Variants in ANK2 observed in about 807,000 individuals in gnomAD.
The protein encoded by ANK2 is ankyrin-2.
A neutral mutation model predicts 360.5 loss-of-function variants in ANK2; 83 were observed. That is an observed-to-expected ratio of 0.23 (90% CI 0.19 to 0.28). The LOEUF is 0.28. Ranked by LOEUF, ANK2 falls within the 10% of genes least tolerant of loss-of-function variation. The pLI, the probability that ANK2 is intolerant of heterozygous loss-of-function variation, is 1.00. For synonymous variants in ANK2, 1,740 were observed against 1,759.5 expected, an observed-to-expected ratio of 0.99 and a Z score of 0.28; for missense variants, 4,201 against 4,795.7, an observed-to-expected ratio of 0.88 and a Z score of 3.66.
intron 1 of ANK2, among the ~76,000 whole-genome samples, chr4:112,870,756 A>T (rs2072679449): frequency 6.6e-6 from 1 of 152,154 alleles, no homozygotes; most frequent in Non-Finnish European, 1.5e-5. Context: ...CTTTTTCAAG[A>T]TTATTTTAGC....
the ANK2 span, among the ~76,000 whole-genome samples, chr4:112,724,989 AAC>A: frequency 6.6e-6 from 1 of 152,174 alleles, no homozygotes; most frequent in Admixed American, 6.5e-5. Context: ...TTAAAAAGGA[AAC>A]ACATTCAGCC....
Position 113,358,366 on chromosome 4 carries a change from C to T in ANK2, c.9748C>T (p.Pro3250Ser), listed in dbSNP as rs2095949958. The T allele has an allele frequency of 6.2e-7, 1 of 1,613,922 alleles. No individual in the cohort carries two copies. Among genetic ancestry groups the T allele is most frequent in the Non-Finnish European group, 8.5e-7 (1 of 1,179,942 alleles). Residue 3250 changes from proline (P) to serine (S), a missense_variant, in exon 38 of 46, where the codon CCA becomes TCA. Around this residue, in one of 4 missense-constraint regions of ANK2, gnomAD observed 2,642 missense variants for 2,714.5 expected, o/e 0.97. Transcript: ENST00000357077. ...KQISCPDSSEPAVQVQLDFST... is the reference protein window; with the variant it reads ...KQISCPDSSESAVQVQLDFST... ...GATATCCTGCCCCGACTCTTCTGAA[C>T]CAGCTGTACAAGTCCAGTTAGATTT... is the stretch of plus-strand genomic sequence containing the variant.
intron 1 of ANK2, among the ~76,000 whole-genome samples, chr4:113,063,041 T>C (rs2074190268): frequency 6.6e-6 from 1 of 152,122 alleles, no homozygotes; most frequent in Admixed American, 6.6e-5. Context: ...TGAAAATTCA[T>C]GTTCCACAGC....
intron 2 of ANK2, among the ~76,000 whole-genome samples, chr4:112,913,608 T>A (rs2088557811): frequency 6.6e-6 from 1 of 152,236 alleles, no homozygotes; most frequent in Non-Finnish European, 1.5e-5. Flanking sequence ...TACCTTGAAT[T>A]CTCTGGATGG....
chr4:112,727,072 A>G, the ANK2 span, among the ~76,000 whole-genome samples: 2 of 152,176 alleles, frequency 1.3e-5, no homozygotes, highest in East Asian at 1.9e-4. Context: ...AGTATGCAGA[A>G]TAGTTATGGT....
chr4:112,732,383 C>T, the ANK2 span, among the ~76,000 whole-genome samples: 1 of 150,814 alleles, frequency 6.6e-6, no homozygotes, highest in East Asian at 2.0e-4. Flanking sequence ...CGAGTAGCTA[C>T]AGGCACTACA....
rs2097180327 is a variant in ANK2, at chr4:113,381,954, A to G, written c.*483A>G. 3.0e-6 allele frequency: 1 copy of G among 329,044 alleles called. No individual in the cohort carries two copies. Among genetic ancestry groups the G allele is most frequent in the Admixed American group, 3.9e-5 (1 of 25,534 alleles). 20.4% of individuals were successfully genotyped at this position (329,044 alleles called of 1,614,324 possible). On this transcript the variant is annotated 3_prime_UTR_variant, in exon 46 of 46. Transcript: ENST00000357077. ...CCATGAAAATCCATTGATCAGAAGA[A>G]CTTCACCTGCAGACCTCTTCAAGTG...
At chr4:113,110,413 A>T (rs758059537) in intron 1 of ANK2, among the ~76,000 whole-genome samples, 15 of 152,170 alleles carry the variant, frequency 9.9e-5, no homozygotes, top group Non-Finnish European at 1.9e-4. Flanking sequence ...AAAGCAAGAA[A>T]CAAGGAATCC....
chr4:113,280,589 C>G (rs1011355408), intron 17 of ANK2, among the ~76,000 whole-genome samples: 1 of 152,190 alleles, frequency 6.6e-6, no homozygotes, highest in African/African-American at 2.4e-5. Flanking sequence ...AATGTCTCCT[C>G]TCCTTAATAC....
chr4:112,838,822 T>C (rs1472432226), intron 1 of ANK2, among the ~76,000 whole-genome samples: 1 of 152,238 alleles, frequency 6.6e-6, no homozygotes, highest in Non-Finnish European at 1.5e-5. Context: ...TGAGTCGAGA[T>C]TGTGCCACTG....
intron 2 of ANK2, among the ~76,000 whole-genome samples, chr4:112,927,948 A>G (rs1245807953): frequency 6.6e-6 from 1 of 152,240 alleles, no homozygotes; most frequent in African/African-American, 2.4e-5. Flanking sequence ...TTCCGTAGTT[A>G]ATTAAGAAAA....
chr4:112,985,014 A>C (rs1449446538), intron 2 of ANK2, among the ~76,000 whole-genome samples: 1 of 152,194 alleles, frequency 6.6e-6, no homozygotes, highest in Non-Finnish European at 1.5e-5. Flanking sequence ...GTGAATATTT[A>C]TAAGTCCGTC....
the ANK2 span, among the ~76,000 whole-genome samples, chr4:112,710,903 T>TTATATATATA: frequency 1.9e-3 from 269 of 141,272 alleles, no homozygotes; most frequent in African/African-American, 5.7e-3. Flanking sequence ...TGAACAGGTT[T>TTATATATATA]TATATATATA....
chr4:113,176,764 C>T (rs953603606), intron 2 of ANK2, among the ~76,000 whole-genome samples: 29 of 152,000 alleles, frequency 1.9e-4, no homozygotes, highest in East Asian at 1.2e-3. Context: ...TATCTCCTAA[C>T]GCTATCCCTC....
chr4:113,337,416 C>T (rs2093688018), intron 31 of ANK2, among the ~76,000 whole-genome samples: 1 of 152,156 alleles, frequency 6.6e-6, no homozygotes, highest in Non-Finnish European at 1.5e-5. Flanking sequence ...TTGGTAGTCT[C>T]TTCATAACAA....
At chr4:113,214,752 C>T (rs925495401) in intron 4 of ANK2, among the ~76,000 whole-genome samples, 5 of 152,114 alleles carry the variant, frequency 3.3e-5, no homozygotes, top group Non-Finnish European at 7.4e-5. Context: ...TCAGAGGGTG[C>T]TTGCATGACT....
the ANK2 span, among the ~76,000 whole-genome samples, chr4:112,795,359 G>T: frequency 6.6e-6 from 1 of 152,140 alleles, no homozygotes; most frequent in African/African-American, 2.4e-5. Context: ...GGTAACCCAA[G>T]AGTGGCCCCA....
At chr4:113,344,868 G>A (rs1265334162) in intron 34 of ANK2, among the ~76,000 whole-genome samples, 2 of 152,126 alleles carry the variant, frequency 1.3e-5, no homozygotes, top group Non-Finnish European at 2.9e-5. Context: ...TCCTCGAAGT[G>A]AAATAAAGAT....
At chr4:113,277,979 A>G (rs750984190) in intron 16 of ANK2, 44 bp downstream of exon 16, 8 of 1,531,296 alleles carry the variant, frequency 5.2e-6, no homozygotes, top group Non-Finnish European at 7.2e-6. Context: ...AGTGAAGGTG[A>G]TAGATTAGGA....
Sources: allele counts gnomAD v4.1 joint callset (sites outside exome capture counted in the v4.1 genomes callset), GRCh38; gene constraint gnomAD v4.1.1; regional missense constraint gnomAD v4.1.1; transcripts MANE v1.5; gene names NCBI Gene and HGNC (gene_info 2026-07-23, HGNC 2026-07-21).